NPLOC4: variants seen among roughly 807,000 people sequenced by gnomAD.
NPLOC4 encodes the protein nuclear protein localization protein 4 homolog.
A neutral mutation model predicts 80.6 loss-of-function variants in NPLOC4; 18 were observed. The observed-to-expected ratio is 0.22, with a 90% CI of 0.15 to 0.33. The LOEUF (loss-of-function observed/expected upper bound fraction) is 0.33, where lower values mean the gene tolerates loss of function less well. Ranked by LOEUF, NPLOC4 falls within the 10% of genes least tolerant of loss-of-function variation. The pLI is 1.00. For missense variants in NPLOC4, 540 were observed against 786.1 expected, an observed-to-expected ratio of 0.69 and a Z score of 3.74; for synonymous variants, 313 against 301.5, an observed-to-expected ratio of 1.04 and a Z score of -0.39.
At position 81,567,087 on chromosome 17, in the gene NPLOC4, ACTGT is replaced by A. The variant is rs2034033486; in HGVS notation, c.1566+326_1566+329del. 1 of 246,124 alleles carries A rather than the reference ACTGT, an allele frequency of 4.1e-6. No homozygotes were observed. The highest frequency in any genetic ancestry group is 8.0e-6 in the Non-Finnish European group (1 of 125,292). The allele number at this position is 246,124 out of a possible 1,614,324, so 15.2% of individuals were successfully genotyped here. A position where few individuals can be genotyped will look rare whatever the true frequency, so the allele number is the denominator to read the frequency against. ...AACTGTTAGAACAGGAATTTTTTAA[ACTGT>A]CTAACTCTAATGCTGGAGGCAGAGC... On this transcript the variant is annotated intron_variant, in intron 15 of 16. Transcript: ENST00000331134. The surrounding 1 kb of genome is among the most constrained non-coding windows in gnomAD (Gnocchi z 4.5).
At chr17:81,607,302 T>C (rs2035228075) in intron 6 of NPLOC4, among the ~76,000 whole-genome samples, 1 of 149,462 alleles carries the variant, frequency 6.7e-6, no homozygotes, top group Non-Finnish European at 1.5e-5. Flanking sequence ...TAGGCTAAAA[T>C]AAAAACTACT....
At chr17:81,617,729 C>T (rs553146872) in intron 3 of NPLOC4, among the ~76,000 whole-genome samples, 2 of 145,072 alleles carry the variant, frequency 1.4e-5, no homozygotes, top group African/African-American at 2.5e-5. Flanking sequence ...GACTGTACTG[C>T]TGCCATCTCG....
chr17:81,621,922 C>T (rs1218421015), intron 3 of NPLOC4, among the ~76,000 whole-genome samples: 1 of 152,226 alleles, frequency 6.6e-6, no homozygotes, highest in Non-Finnish European at 1.5e-5. Flanking sequence ...AAGACAATAA[C>T]TTTCTCCTCA....
intron 8 of NPLOC4, among the ~76,000 whole-genome samples, chr17:81,603,142 C>T (rs2035112566): frequency 6.6e-6 from 1 of 151,862 alleles, no homozygotes; most frequent in Admixed American, 6.6e-5. Context: ...CAGTACTGCA[C>T]TCCAGCCTGA....
rs1404195178 is a variant in NPLOC4 at position 81,637,021 on chromosome 17, G to A, written c.-91C>T. 2.4e-6 allele frequency: 2 copies of A among 840,862 alleles called. No individual in the cohort carries two copies. Among genetic ancestry groups the A allele is most frequent in the East Asian group, 4.0e-5 (1 of 24,848 alleles). 52.1% of individuals were successfully genotyped at this position (840,862 alleles called of 1,614,324 possible). ...CAGACCCGGCCGCGGCCTCAGCCCC[G>A]GCCCCGGCCTCCCTACGCCGCCGCC... On this transcript the variant is annotated 5_prime_UTR_variant, in exon 1 of 17. Transcript: ENST00000331134.
At chr17:81,592,520 T>G (rs984945712) in intron 11 of NPLOC4, among the ~76,000 whole-genome samples, 1 of 152,044 alleles carries the variant, frequency 6.6e-6, no homozygotes. Context: ...TTCTAAAACC[T>G]TTCAGTAAAT....
Position 81,568,304 on chromosome 17 carries a change from G to C in NPLOC4, c.1449+712C>G, listed in dbSNP as rs376232939. ...TGATGCAGCACGGACATCTTCAGCA[G>C]AACCAAACACAGAGCTTCAAGAGTG... On this transcript the variant is annotated intron_variant, in intron 14 of 16. Transcript: ENST00000331134. Among the ~76,000 whole-genome samples the C allele has an allele frequency of 1.2e-4, 19 of 152,324 alleles. No individual in the cohort carries two copies. In the East Asian group the frequency reaches 2.3e-3, roughly 19 times the overall value.
rs2034052602 is a variant in NPLOC4 at position 81,567,838 on chromosome 17, T to C, written c.1450-305A>G. 1 of 249,734 alleles carries C rather than the reference T, an allele frequency of 4.0e-6. No individual in the cohort carries two copies. Among genetic ancestry groups the C allele is most frequent in the East Asian group, 9.5e-5 (1 of 10,568 alleles). The allele number at this position is 249,734 out of a possible 1,614,324, so 15.5% of individuals were successfully genotyped here. ...GGCTAACACAGTAATTCCAGCACTT[T>C]TTAGGAGGCCGAGGCAGGCAGGTGG... is the stretch of plus-strand genomic sequence containing the variant. On this transcript the variant is annotated intron_variant, in intron 14 of 16. Transcript: ENST00000331134. The surrounding 1 kb of genome is among the most constrained non-coding windows in gnomAD (Gnocchi z 4.5).
chr17:81,620,314 A>G (rs144126681), intron 3 of NPLOC4, among the ~76,000 whole-genome samples: 155 of 152,132 alleles, frequency 1.0e-3, no homozygotes, highest in Non-Finnish European at 1.9e-3. Context: ...TGGCCAACTT[A>G]GTGAAACCCC....
chr17:81,564,788 C>CAA (rs796741069), intron 16 of NPLOC4: 109 of 100,634 alleles, frequency 1.1e-3, no homozygotes, highest in African/African-American at 2.4e-3. Context: ...AACTCCGTCT[C>CAA]AAAAAAAAAA....
At chr17:81,607,864 C>T (rs550718277) in intron 6 of NPLOC4, among the ~76,000 whole-genome samples, 3 of 152,310 alleles carry the variant, frequency 2.0e-5, no homozygotes, top group African/African-American at 7.2e-5. Context: ...AGAAAAGCTA[C>T]AATCAGGCGA....
At chr17:81,605,977 C>T (rs1440113287) in intron 7 of NPLOC4, among the ~76,000 whole-genome samples, 1 of 151,634 alleles carries the variant, frequency 6.6e-6, no homozygotes, top group African/African-American at 2.4e-5. Flanking sequence ...CCCATCACTA[C>T]GCCCAGCTAA....
In NPLOC4 at chr17:81,558,567, T is replaced by C. The variant is rs536413828; in HGVS notation, c.*692A>G. On this transcript the variant is annotated 3_prime_UTR_variant, in exon 17 of 17. Coordinates refer to ENST00000331134, the MANE Select transcript of NPLOC4 (RefSeq NM_017921.4). Reference sequence around the variant, plus strand: ...GAAACTAGTCTCTCTCACTCCCCTTTTGTGCAGTTTTTATCTTAAAAAAAA... The same window carrying C: ...GAAACTAGTCTCTCTCACTCCCCTTCTGTGCAGTTTTTATCTTAAAAAAAA... 2 of 152,262 alleles carry C rather than the reference T, an allele frequency of 1.3e-5. No individual in the cohort carries two copies. Among genetic ancestry groups the C allele is most frequent in the Non-Finnish European group, 2.9e-5 (2 of 68,020 alleles). 9.4% of individuals were successfully genotyped at this position (152,262 alleles called of 1,614,324 possible). A position where few individuals can be genotyped will look rare whatever the true frequency, so the allele number is the denominator to read the frequency against.
At chr17:81,559,478 T>C (rs2033775736) in intron 16 of NPLOC4, 62 bp from the exon 17 acceptor site, 4 of 1,525,534 alleles carry the variant, frequency 2.6e-6, no homozygotes, top group Admixed American at 4.0e-5. Context: ...TGCCAGAGTG[T>C]GGGCATGGGG....
At position 81,580,110 on chromosome 17, in the gene NPLOC4, C is replaced by T. The variant is rs2034400665; in HGVS notation, c.1282-8022G>A. On this transcript the variant is annotated intron_variant, in intron 12 of 16. Transcript: ENST00000331134. The surrounding 1 kb of genome is among the most constrained non-coding windows in gnomAD (Gnocchi z 4.4). ...CCCAGTGCTCTCCACCTCATTCCCC[C>T]AAGGTGGGGTTCTCCTCAGCCATCC... is the stretch of plus-strand genomic sequence containing the variant. 6.6e-6 allele frequency among the ~76,000 whole-genome samples: 1 copy of T among 152,194 alleles called. No individual in the cohort carries two copies. The highest frequency in any genetic ancestry group is 6.5e-5 in the Admixed American group (1 of 15,288).
chr17:81,623,797 CA>C (rs530906357), intron 2 of NPLOC4, among the ~76,000 whole-genome samples: 11,998 of 101,296 alleles, frequency 0.12, 564 homozygotes, highest in Middle Eastern at 0.23. Context: ...GACTCCGTCT[CA>C]AAAAAAAAAA....
chr17:81,583,491 A>G (rs1418005642), intron 12 of NPLOC4, among the ~76,000 whole-genome samples: 1 of 152,224 alleles, frequency 6.6e-6, no homozygotes, highest in African/African-American at 2.4e-5. Flanking sequence ...GTTCCCTTTC[A>G]CAAGAAAGGT....
At chr17:81,599,091 C>A (rs9915143) in intron 9 of NPLOC4, among the ~76,000 whole-genome samples, 22,041 of 152,124 alleles carry the variant, frequency 0.14, 1,911 homozygotes, top group Admixed American at 0.23. Context: ...GAGTTCAAGA[C>A]CAGCCTGGCC....
Position 81,557,623 on chromosome 17 carries a change from G to C in NPLOC4, c.*1636C>G, listed in dbSNP as rs1323477251. The C allele has an allele frequency of 6.6e-6, 1 of 152,058 alleles. No individual in the cohort carries two copies. The highest frequency in any genetic ancestry group is 1.5e-5 in the Non-Finnish European group (1 of 67,854). The allele number at this position is 152,058 out of a possible 1,614,324, so 9.4% of individuals were successfully genotyped here. On this transcript the variant is annotated 3_prime_UTR_variant, in exon 17 of 17. Transcript: ENST00000331134. ...AGGCTCACAGCTCATCTCAGGACCA[G>C]AGGAGACAGCAGAGGACAAAACTTC... is the stretch of plus-strand genomic sequence containing the variant.
Sources: gnomAD v4.1 joint callset for allele counts (sites outside exome capture counted in the v4.1 genomes callset) on GRCh38, gnomAD v4.1.1 for gene constraint, Gnocchi (gnomAD v3.1) non-coding constraint, MANE v1.5 for transcripts, NCBI Gene and HGNC (gene_info 2026-07-23, HGNC 2026-07-21) for gene names.